Variants in LPP observed in about 807,000 individuals in gnomAD.
LPP encodes the protein LIM domain containing preferred translocation partner in lipoma, also known as lipoma-preferred partner.
Under a neutral mutation model 60.4 loss-of-function variants are expected in LPP, and 38 were observed. The observed-to-expected ratio is 0.63, with a 90% confidence interval of 0.49 to 0.83. The LOEUF is 0.83. LPP is among the 40% of genes least tolerant of loss of function. LPP has a pLI of 0.00. For missense variants in LPP, 902 were observed against 783.6 expected (o/e 1.15, Z -1.80); for synonymous variants, 328 against 290.8 (o/e 1.13, Z -1.30).
At chr3:188,378,258 C>T (rs1775796855) in intron 3 of LPP, among the ~76,000 whole-genome samples, 1 of 152,230 alleles carries the variant, frequency 6.6e-6, no homozygotes, top group Non-Finnish European at 1.5e-5. Context: ...TGTAAGTCTG[C>T]AGAGGTTACT....
chr3:188,849,953 GACATGTCTAGAT>G (rs1367745771), intron 9 of LPP, among the ~76,000 whole-genome samples: 1 of 152,166 alleles, frequency 6.6e-6, no homozygotes, highest in Non-Finnish European at 1.5e-5. Context: ...ATCCATAGCG[GACATGTCTAGAT>G]ACATACTCTG....
intron 2 of LPP, among the ~76,000 whole-genome samples, chr3:188,278,005 C>T (rs1740598619): frequency 6.6e-6 from 1 of 152,190 alleles, no homozygotes; most frequent in African/African-American, 2.4e-5. Context: ...TCATGCATTT[C>T]TTTTTGCCCT....
chr3:188,708,501 T>A, intron 8 of LPP, 108 bp downstream of exon 8: 3 of 1,448,414 alleles, frequency 2.1e-6, no homozygotes, highest in Non-Finnish European at 2.9e-6. Context: ...TGAGTCCAGA[T>A]GCATGAGAGT....
At chr3:188,741,637 G>A (rs1724472266) in intron 8 of LPP, among the ~76,000 whole-genome samples, 3 of 149,608 alleles carry the variant, frequency 2.0e-5, no homozygotes, top group South Asian at 2.1e-4. Context: ...CACATATTAT[G>A]GAACAAACAC....
chr3:188,278,731 T>G lies in LPP; in HGVS notation c.-67+53204T>G, dbSNP rs141138352. Among the ~76,000 whole-genome samples the G allele has an allele frequency of 1.1e-3, 167 of 152,188 alleles. 3 individuals are homozygous for G. The highest frequency in any genetic ancestry group is 7.1e-3 in the Admixed American group (109 of 15,280). ...TACGTTATAATAAGATCTAGGGGCA[T>G]TCTCGAGAACTTGGGAGCAATCTAA... On this transcript the variant is annotated intron_variant, in intron 2 of 11. Coordinates refer to ENST00000617246, the MANE Select transcript of LPP (RefSeq NM_001375462.1).
At chr3:188,298,713 G>T (rs1473026616) in intron 2 of LPP, among the ~76,000 whole-genome samples, 1 of 152,170 alleles carries the variant, frequency 6.6e-6, no homozygotes, top group Non-Finnish European at 1.5e-5. Flanking sequence ...GAGTGAGAAG[G>T]TCACAAAAAG....
chr3:188,374,065 A>G (rs1774154975), intron 3 of LPP, among the ~76,000 whole-genome samples: 1 of 152,054 alleles, frequency 6.6e-6, no homozygotes, highest in Non-Finnish European at 1.5e-5. Flanking sequence ...CCATTGGCCT[A>G]TATCTCTGTT....
intron 6 of LPP, among the ~76,000 whole-genome samples, chr3:188,527,747 C>T (rs554296183): frequency 3.9e-5 from 5 of 127,994 alleles, no homozygotes; most frequent in East Asian, 5.1e-4. Context: ...TTTTTGTGCT[C>T]CCTTTCCTTT....
In LPP at chr3:188,434,954, T is replaced by C. The variant is rs145736401; in HGVS notation, c.193+28641T>C. Among the ~76,000 whole-genome samples, 721 of 152,296 alleles carry C rather than the reference T, an allele frequency of 4.7e-3. 4 individuals are homozygous for C. The highest frequency in any genetic ancestry group is 0.012 in the Admixed American group (178 of 15,294). On this transcript the variant is annotated intron_variant, in intron 4 of 11. Coordinates refer to ENST00000617246, the MANE Select transcript of LPP (RefSeq NM_001375462.1). ...TTTAAAGATCTGTGCTAGGAACAAGTATACATGAAAGACTGAAGCTTAGTA... is the reference window on the plus strand; with the variant it reads ...TTTAAAGATCTGTGCTAGGAACAAGCATACATGAAAGACTGAAGCTTAGTA...
intron 4 of LPP, among the ~76,000 whole-genome samples, chr3:188,482,274 T>C (rs967435474): frequency 2.3e-4 from 35 of 152,188 alleles, no homozygotes; most frequent in African/African-American, 8.0e-4. Context: ...CAGTTATTTA[T>C]AGCAGTGAGA....
At chr3:188,445,507 A>T (rs1308760812) in intron 4 of LPP, among the ~76,000 whole-genome samples, 1 of 152,116 alleles carries the variant, frequency 6.6e-6, no homozygotes. Context: ...GAGACTAGGG[A>T]GGGATAGCAT....
At chr3:188,448,763 A>T (rs953789038) in intron 4 of LPP, among the ~76,000 whole-genome samples, 4 of 152,144 alleles carry the variant, frequency 2.6e-5, no homozygotes, top group African/African-American at 9.7e-5. Flanking sequence ...TGTAAAGAAA[A>T]TGCATTTTGC....
intron 4 of LPP, among the ~76,000 whole-genome samples, chr3:188,469,011 C>G (rs1179359003): frequency 1.3e-5 from 2 of 152,090 alleles, no homozygotes; most frequent in African/African-American, 4.8e-5. Context: ...GTCTTCTATC[C>G]CATGACTTCC....
rs369517840 is a variant in LPP, at chr3:188,699,977, T to C, written c.1114-8290T>C. Among the ~76,000 whole-genome samples, 5 of 152,334 alleles carry C rather than the reference T, an allele frequency of 3.3e-5. No homozygotes were observed. In the South Asian group the frequency reaches 1.0e-3, roughly 32 times the overall value. ...GAACGAAAATATCAGAAATATATTT[T>C]TTCTGGCAGGCTTTCAGCTCTAAAA... On this transcript the variant is annotated intron_variant, in intron 7 of 11. Coordinates refer to ENST00000617246, the MANE Select transcript of LPP (RefSeq NM_001375462.1).
intron 9 of LPP, among the ~76,000 whole-genome samples, chr3:188,829,213 A>G (rs1314994886): frequency 6.6e-6 from 1 of 152,134 alleles, no homozygotes; most frequent in Admixed American, 6.5e-5. Context: ...GAAGAGCTAT[A>G]TTCCCTCCAC....
chr3:188,250,830 TTC>T (rs1344345930), intron 2 of LPP, among the ~76,000 whole-genome samples: 3 of 149,318 alleles, frequency 2.0e-5, no homozygotes, highest in Non-Finnish European at 3.0e-5. Context: ...TTCTTTTTCT[TTC>T]TTTCTTTTCT....
intron 2 of LPP, among the ~76,000 whole-genome samples, chr3:188,245,933 A>C (rs779160175): frequency 6.6e-6 from 1 of 152,202 alleles, no homozygotes; most frequent in Non-Finnish European, 1.5e-5. Context: ...TTATTTTATC[A>C]GGAAAAGGAA....
At chr3:188,744,149 T>C (rs776540366) in intron 8 of LPP, among the ~76,000 whole-genome samples, 18 of 152,248 alleles carry the variant, frequency 1.2e-4, no homozygotes, top group Non-Finnish European at 2.6e-4. Context: ...TACACAGCCA[T>C]TTACTTACAC....
At chr3:188,527,340 CT>C (rs1820892851) in intron 6 of LPP, among the ~76,000 whole-genome samples, 1 of 104,360 alleles carries the variant, frequency 9.6e-6, no homozygotes, top group Non-Finnish European at 1.8e-5. Flanking sequence ...CAGAGGGAGA[CT>C]CCATCTGAAA....
Sources: gnomAD v4.1 joint callset for allele counts (sites outside exome capture counted in the v4.1 genomes callset) on GRCh38, gnomAD v4.1.1 for gene constraint, MANE v1.5 for transcripts, NCBI Gene and HGNC (gene_info 2026-07-23, HGNC 2026-07-21) for gene names.